Variants in KIF1B observed in about 807,000 individuals in gnomAD.
The protein encoded by KIF1B is kinesin-like protein KIF1B.
In KIF1B, 76 loss-of-function variants were observed where a neutral mutation model predicts 241.9. That is an observed-to-expected ratio of 0.31 (90% CI 0.26 to 0.38). KIF1B has a LOEUF of 0.38. Ranked by LOEUF, KIF1B falls within the 10% of genes least tolerant of loss-of-function variation. The probability of loss-of-function intolerance (pLI) is 1.00; values close to 1 mark genes in which losing one functional copy is unlikely to be tolerated. For synonymous variants in KIF1B, 750 were observed against 796.7 expected (o/e 0.94, Z 0.99); for missense variants, 1,622 against 2,271.4 (o/e 0.71, Z 5.81).
In KIF1B at chr1:10,326,442, CTTGCAT is replaced by C; in HGVS notation, c.2924+85_2924+90del. 1 of 1,550,346 alleles carries C rather than the reference CTTGCAT, an allele frequency of 6.5e-7. No homozygotes were observed. The highest frequency in any genetic ancestry group is 8.9e-7 in the Non-Finnish European group (1 of 1,127,466). On this transcript the variant is annotated intron_variant, in intron 27 of 48. Coordinates refer to ENST00000676179, the MANE Select transcript of KIF1B (RefSeq NM_001365951.3). This position sits in a 1 kb window ranked among gnomAD's most constrained non-coding sequence, Gnocchi z 5.2. ...CCCTGCTTGCACAATTTTGGATAAC[CTTGCAT>C]TAGCCAATTCAACTCATGAATGCTC...
At chr1:10,314,882 T>C (rs1651233253) in intron 22 of KIF1B, among the ~76,000 whole-genome samples, 1 of 151,674 alleles carries the variant, frequency 6.6e-6, no homozygotes, top group Non-Finnish European at 1.5e-5. Flanking sequence ...TGTCAACTTA[T>C]TCTTGAAGAA....
Position 10,337,035 on chromosome 1 carries a change from T to G in KIF1B, c.3130-39T>G. The G allele has an allele frequency of 6.2e-7, 1 of 1,613,798 alleles. No homozygotes were observed. The highest frequency in any genetic ancestry group is 8.5e-7 in the Non-Finnish European group (1 of 1,179,876). On this transcript the variant is annotated intron_variant, in intron 29 of 48. Transcript: ENST00000676179. The surrounding 1 kb of genome is among the most constrained non-coding windows in gnomAD (Gnocchi z 4.0). ...GCAACTGGGGAAAAATACGTTTTTA[T>G]ACTACTTTACCATGTATCTGCCCCT...
intron 1 of KIF1B, among the ~76,000 whole-genome samples, chr1:10,220,629 A>T (rs1379278085): frequency 6.6e-6 from 1 of 152,014 alleles, no homozygotes; most frequent in Non-Finnish European, 1.5e-5. Flanking sequence ...ACTCACTCCA[A>T]CCTGGGCGGT....
At chr1:10,236,347 C>T (rs926439269) in intron 2 of KIF1B, among the ~76,000 whole-genome samples, 2 of 152,098 alleles carry the variant, frequency 1.3e-5, no homozygotes, top group African/African-American at 4.8e-5. Context: ...AGAATTGTAG[C>T]TTATTACAGC....
intron 18 of KIF1B, among the ~76,000 whole-genome samples, 176 bp downstream of exon 18, chr1:10,295,341 A>G (rs961643980): frequency 1.3e-5 from 2 of 152,182 alleles, no homozygotes; most frequent in Admixed American, 1.3e-4. Flanking sequence ...GGAGCCAGTT[A>G]CTATGTAGTT....
intron 7 of KIF1B, among the ~76,000 whole-genome samples, chr1:10,270,756 C>G (rs147562560): frequency 6.6e-6 from 1 of 151,800 alleles, no homozygotes; most frequent in Non-Finnish European, 1.5e-5. Context: ...AACCCCGTCT[C>G]TACTAAAAAT....
Position 10,377,595 on chromosome 1 carries a change from AGT to A in KIF1B, c.*1011_*1012del. The A allele has an allele frequency of 4.6e-6, 1 of 215,710 alleles. No homozygotes were observed. Among genetic ancestry groups the A allele is most frequent in the East Asian group, 6.9e-5 (1 of 14,550 alleles). 13.4% of individuals were successfully genotyped at this position (215,710 alleles called of 1,614,324 possible). ...ATACACAAATGTTCCACAAGGCGGG[AGT>A]GTTTCACTTTCTGGTGATAAACTTG... On this transcript the variant is annotated 3_prime_UTR_variant, in exon 49 of 49. Coordinates refer to ENST00000676179, the MANE Select transcript of KIF1B (RefSeq NM_001365951.3).
intron 2 of KIF1B, among the ~76,000 whole-genome samples, chr1:10,239,643 T>C (rs1571120262): frequency 1.3e-5 from 2 of 152,218 alleles, no homozygotes; most frequent in African/African-American, 4.8e-5. Flanking sequence ...AGTCTTGCTC[T>C]GTAGCCCAGG....
chr1:10,311,097 C>T (rs776992764), intron 22 of KIF1B, among the ~76,000 whole-genome samples: 4 of 151,376 alleles, frequency 2.6e-5, no homozygotes, highest in African/African-American at 4.9e-5. Flanking sequence ...TGAACATTTA[C>T]CCCCTTCTCT....
chr1:10,310,957 G>A (rs931496526), intron 22 of KIF1B, among the ~76,000 whole-genome samples: 2 of 151,482 alleles, frequency 1.3e-5, no homozygotes, highest in African/African-American at 4.9e-5. Context: ...TTCTTCCTTT[G>A]TCTAGTTTTG....
chr1:10,357,609 T>G (rs1384854330), intron 38 of KIF1B, among the ~76,000 whole-genome samples: 1 of 152,178 alleles, frequency 6.6e-6, no homozygotes, highest in Non-Finnish European at 1.5e-5. Flanking sequence ...GGCTCGTGCC[T>G]ATATTCCCAG....
chr1:10,253,983 A>T (rs988724028), intron 2 of KIF1B, among the ~76,000 whole-genome samples: 7 of 152,210 alleles, frequency 4.6e-5, no homozygotes, highest in African/African-American at 1.7e-4. Context: ...AGACAGATTT[A>T]TTTTTTAATC....
At chr1:10,243,052 G>T (rs1647160272) in intron 2 of KIF1B, among the ~76,000 whole-genome samples, 4 of 152,168 alleles carry the variant, frequency 2.6e-5, no homozygotes, top group African/African-American at 4.8e-5. Flanking sequence ...ACACCACATT[G>T]TTCCGGTCTG....
At chr1:10,268,444 G>A (rs1648591159) in intron 7 of KIF1B, among the ~76,000 whole-genome samples, 181 bp downstream of exon 7, 1 of 152,046 alleles carries the variant, frequency 6.6e-6, no homozygotes. Flanking sequence ...TTTCTGTATA[G>A]GTTCTTAAAT....
chr1:10,276,199 G>T (rs1452473524), intron 11 of KIF1B, 122 bp from the exon 12 acceptor site: 2 of 764,802 alleles, frequency 2.6e-6, no homozygotes, highest in African/African-American at 1.7e-5. Flanking sequence ...AAAAATAAAA[G>T]AAAGAAATTT....
At chr1:10,296,739 T>G in intron 20 of KIF1B, 74 bp downstream of exon 20, 1 of 1,473,024 alleles carries the variant, frequency 6.8e-7, no homozygotes. Flanking sequence ...TTTTGGCTGT[T>G]TAAAGGCTGA....
intron 24 of KIF1B, among the ~76,000 whole-genome samples, chr1:10,323,079 C>T (rs1170844848): frequency 6.6e-6 from 1 of 152,084 alleles, no homozygotes; most frequent in Non-Finnish European, 1.5e-5. Context: ...CTAGGCTGGT[C>T]TCAAACTCCT....
At position 10,210,849 on chromosome 1, in the gene KIF1B, G is replaced by A. The variant is rs956869410; in HGVS notation, c.-109G>A. On this transcript the variant is annotated 5_prime_UTR_variant, in exon 1 of 49. Transcript: ENST00000676179. The surrounding 1 kb of genome is among the most constrained non-coding windows in gnomAD (Gnocchi z 4.1). Reference sequence around the variant, plus strand: ...GCGCGCCGCGGCTCCTGTTGACCCGGTCCGCCCGTCGGTCTGCAGCGCGGC... The same window carrying A: ...GCGCGCCGCGGCTCCTGTTGACCCGATCCGCCCGTCGGTCTGCAGCGCGGC... 1 of 150,140 alleles carries A rather than the reference G, an allele frequency of 6.7e-6. No individual in the cohort carries two copies. The highest frequency in any genetic ancestry group is 2.4e-5 in the African/African-American group (1 of 41,190). 9.3% of individuals were successfully genotyped at this position (150,140 alleles called of 1,614,324 possible). A position where few individuals can be genotyped will look rare whatever the true frequency, so the allele number is the denominator to read the frequency against.
chr1:10,371,731 G>A (rs1025279624), intron 45 of KIF1B, among the ~76,000 whole-genome samples: 1 of 152,168 alleles, frequency 6.6e-6, no homozygotes, highest in African/African-American at 2.4e-5. Context: ...CTGGGAGTTC[G>A]AGACCAGGCT....
Sources: gnomAD v4.1 joint callset for allele counts (sites outside exome capture counted in the v4.1 genomes callset) on GRCh38, gnomAD v4.1.1 for gene constraint, Gnocchi (gnomAD v3.1) non-coding constraint, MANE v1.5 for transcripts, NCBI Gene and HGNC (gene_info 2026-07-23, HGNC 2026-07-21) for gene names.